MYLK4: variants seen among roughly 807,000 people sequenced by gnomAD.
MYLK4 encodes myosin light chain kinase family member 4.
A neutral mutation model predicts 48.1 loss-of-function variants in MYLK4; 46 were observed. That is an observed-to-expected ratio of 0.96 (90% CI 0.75 to 1.22). MYLK4 has a LOEUF of 1.22. MYLK4 is among the 50% of genes most tolerant of loss of function. The probability of loss-of-function intolerance (pLI) is 0.00; values close to 1 mark genes in which losing one functional copy is unlikely to be tolerated. For missense variants in MYLK4, 451 were observed against 486.1 expected, an observed-to-expected ratio of 0.93 and a Z score of 0.68; for synonymous variants, 170 against 180.8, an observed-to-expected ratio of 0.94 and a Z score of 0.48.
chr6:2,707,523 A>AC (rs1762536099), intron 2 of MYLK4, among the ~76,000 whole-genome samples: 1 of 151,988 alleles, frequency 6.6e-6, no homozygotes, highest in Non-Finnish European at 1.5e-5. Flanking sequence ...TTTTCTATTC[A>AC]CCCCCACAAA....
At chr6:2,675,165 G>A (rs760931588) in intron 10 of MYLK4, 40 bp from the exon 11 acceptor site, 21 of 1,452,806 alleles carry the variant, frequency 1.4e-5, no homozygotes, top group South Asian at 5.7e-5. Context: ...GAAACACACC[G>A]AAGAAGGCCT....
chr6:2,738,891 C>A (rs1318993543), intron 2 of MYLK4, among the ~76,000 whole-genome samples: 2 of 152,066 alleles, frequency 1.3e-5, no homozygotes, highest in Non-Finnish European at 2.9e-5. Flanking sequence ...AAGAGTGAAC[C>A]CTAATGTGAA....
intron 7 of MYLK4, among the ~76,000 whole-genome samples, chr6:2,682,820 A>G (rs1438528237): frequency 1.3e-5 from 2 of 152,220 alleles, no homozygotes; most frequent in Admixed American, 6.5e-5. Flanking sequence ...AAGAATCTGA[A>G]TATCACCCCT....
chr6:2,734,065 G>C (rs1162544833), intron 2 of MYLK4, among the ~76,000 whole-genome samples: 2 of 152,012 alleles, frequency 1.3e-5, no homozygotes, highest in East Asian at 3.9e-4. Context: ...TTCAACCCTG[G>C]GAACGTATGA....
chr6:2,695,601 C>T (rs9503255), intron 2 of MYLK4, among the ~76,000 whole-genome samples: 3,751 of 152,200 alleles, frequency 0.025, 154 homozygotes, highest in African/African-American at 0.087. Flanking sequence ...GTAAGAAGGC[C>T]TTTATTCATT....
At chr6:2,753,178 A>G (rs377748926), upstream of MYLK4, among the ~76,000 whole-genome samples, 1 of 152,362 alleles carries the variant, frequency 6.6e-6, no homozygotes, top group South Asian at 2.1e-4. Flanking sequence ...GCCATGGAAA[A>G]GAATCCCTTG....
At chr6:2,756,757 C>T in the MYLK4 span, among the ~76,000 whole-genome samples, 1 of 152,182 alleles carries the variant, frequency 6.6e-6, no homozygotes, top group South Asian at 2.1e-4. Context: ...AAAATTCATA[C>T]TACTGTTGTG....
the MYLK4 span, among the ~76,000 whole-genome samples, chr6:2,764,565 C>CA: frequency 1.5e-4 from 1 of 6,640 alleles, no homozygotes; most frequent in Non-Finnish European, 4.0e-3. Context: ...TAGACAAAAG[C>CA]AAAAAATAAC....
At chr6:2,765,410 G>A in the MYLK4 span, 1 of 445,198 alleles carries the variant, frequency 2.2e-6, no homozygotes, top group Non-Finnish European at 3.5e-6. Flanking sequence ...CCGACACGCC[G>A]CGTGAGGCGC....
At chr6:2,755,021 G>A (rs1764393380), upstream of MYLK4, among the ~76,000 whole-genome samples, 1 of 151,970 alleles carries the variant, frequency 6.6e-6, no homozygotes, top group Non-Finnish European at 1.5e-5. Flanking sequence ...TGATGTTATG[G>A]AATATCCAGA....
intron 3 of MYLK4, among the ~76,000 whole-genome samples, chr6:2,690,887 T>A (rs1396898662): frequency 6.9e-6 from 1 of 144,082 alleles, no homozygotes; most frequent in Non-Finnish European, 1.5e-5. Context: ...TGGAGTGCAG[T>A]GGCGCGATCT....
At chr6:2,709,141 T>C (rs1762589377) in intron 2 of MYLK4, among the ~76,000 whole-genome samples, 1 of 151,534 alleles carries the variant, frequency 6.6e-6, no homozygotes, top group African/African-American at 2.4e-5. Flanking sequence ...TGAACTGAGA[T>C]TTTTTCCTCT....
intron 10 of MYLK4, among the ~76,000 whole-genome samples, chr6:2,676,091 CAAA>C (rs34207127): frequency 2.3e-4 from 30 of 128,262 alleles, no homozygotes; most frequent in African/African-American, 5.0e-4. Context: ...GATTCTGTCT[CAAA>C]AAAAAAAAAA....
At chr6:2,737,069 C>T (rs1427283490) in intron 2 of MYLK4, among the ~76,000 whole-genome samples, 6 of 152,194 alleles carry the variant, frequency 3.9e-5, no homozygotes, top group Non-Finnish European at 5.9e-5. Flanking sequence ...AATCCCAGCA[C>T]TTTGGGAGGC....
chr6:2,710,061 CATAA>C (rs1321886554), intron 2 of MYLK4, among the ~76,000 whole-genome samples: 1 of 152,102 alleles, frequency 6.6e-6, no homozygotes, highest in Admixed American at 6.5e-5. Context: ...TGGAATAAAA[CATAA>C]ATAAAACCCT....
intron 6 of MYLK4, among the ~76,000 whole-genome samples, chr6:2,683,459 G>A (rs148683301): frequency 1.2e-4 from 17 of 141,106 alleles, no homozygotes; most frequent in South Asian, 2.4e-4. Context: ...TCGCTGTGTC[G>A]CTCAGGCTAG....
the MYLK4 span, chr6:2,766,127 G>T: frequency 3.0e-6 from 4 of 1,325,068 alleles, no homozygotes; most frequent in Admixed American, 1.2e-4. Flanking sequence ...GGAGGAGGCC[G>T]TGGGCGACGG....
intron 9 of MYLK4, among the ~76,000 whole-genome samples, chr6:2,678,711 GTTTT>G (rs11344815): frequency 1.5e-5 from 2 of 132,316 alleles, no homozygotes; most frequent in East Asian, 2.3e-4. Context: ...TAGGAGATCA[GTTTT>G]TTTTTTTTTT....
chr6:2,680,364 A>T, intron 7 of MYLK4, 73 bp from the exon 8 acceptor site: 1 of 1,605,044 alleles, frequency 6.2e-7, no homozygotes, highest in Admixed American at 1.7e-5. Context: ...AACCACAACT[A>T]AAAATACAAC....
Sources: allele counts gnomAD v4.1 joint callset (sites outside exome capture counted in the v4.1 genomes callset), GRCh38; gene constraint gnomAD v4.1.1; transcripts MANE v1.5; gene names NCBI Gene and HGNC (gene_info 2026-07-23, HGNC 2026-07-21).